The following BBX variants were observed in gnomAD, a reference collection of about 807,000 sequenced individuals.
The protein encoded by BBX is HMG box transcription factor BBX.
BBX carries 30 observed loss-of-function variants against 100.2 expected under a neutral mutation model. The observed-to-expected ratio is 0.30, with a 90% CI of 0.22 to 0.41. BBX has a LOEUF of 0.41. Ranked by LOEUF, BBX falls within the 10% of genes least tolerant of loss-of-function variation. The probability of loss-of-function intolerance (pLI) is 1.00; values close to 1 mark genes in which losing one functional copy is unlikely to be tolerated. For missense variants in BBX, 1,023 were observed against 1,129.8 expected, an observed-to-expected ratio of 0.91 and a Z score of 1.35; for synonymous variants, 376 against 388.1, an observed-to-expected ratio of 0.97 and a Z score of 0.37.
chr3:107,725,613 G>A (rs938951940), intron 5 of BBX, among the ~76,000 whole-genome samples: 2 of 152,032 alleles, frequency 1.3e-5, no homozygotes, highest in African/African-American at 4.8e-5. Flanking sequence ...CAAATATTAA[G>A]TAGACAAAAT....
At chr3:107,663,898 C>T (rs569752254) in intron 3 of BBX, among the ~76,000 whole-genome samples, 8 of 151,696 alleles carry the variant, frequency 5.3e-5, no homozygotes, top group East Asian at 3.9e-4. Context: ...CTCTGCCTCC[C>T]GGGTTCACGC....
chr3:107,792,590 A>G lies in BBX; in HGVS notation c.2353+1291A>G, dbSNP rs574527295. ...TTTTACTTTTACAGAAAACGCCAGCACTACATCTATTATCTCACTTGTTGA... is the reference window on the plus strand; with the variant it reads ...TTTTACTTTTACAGAAAACGCCAGCGCTACATCTATTATCTCACTTGTTGA... On this transcript the variant is annotated intron_variant, in intron 15 of 17. Transcript: ENST00000325805. 3.9e-5 allele frequency among the ~76,000 whole-genome samples: 6 copies of G among 152,340 alleles called. No homozygotes were observed. The South Asian group carries it at 1.0e-3, about 26-fold the overall frequency.
chr3:107,791,870 G>A (rs1462463011), intron 15 of BBX, among the ~76,000 whole-genome samples: 4 of 151,836 alleles, frequency 2.6e-5, no homozygotes, highest in Admixed American at 6.6e-5. Flanking sequence ...CTGTGATAGC[G>A]CATGCCTGTA....
chr3:107,675,879 A>G (rs997254854), intron 3 of BBX, among the ~76,000 whole-genome samples: 3 of 152,188 alleles, frequency 2.0e-5, no homozygotes, highest in African/African-American at 7.2e-5. Flanking sequence ...TATCAAGTCT[A>G]TATTGAAGGG....
At position 107,773,339 on chromosome 3, in the gene BBX, A is replaced by G. The variant is rs777693851; in HGVS notation, c.1618A>G (p.Lys540Glu). ...KVKSREKKMS[K>E]EKSSDTTKES... ...GAAATCAAGAGAGAAGAAAATGTCA[A>G]AGGAGAAATCCTCAGACACCACCAA... is the stretch of plus-strand genomic sequence containing the variant. The change falls in exon 11 of 18, where the codon AAG becomes GAG. Residue 540 changes from lysine to glutamate, a missense_variant. Around this residue, in one of 9 missense-constraint regions of BBX, gnomAD observed 348 missense variants for 353.2 expected, o/e 0.99. Coordinates refer to ENST00000325805, the MANE Select transcript of BBX (RefSeq NM_001142568.3). The surrounding 1 kb of genome is among the most constrained non-coding windows in gnomAD (Gnocchi z 4.1). The G allele has an allele frequency of 2.9e-5, 46 of 1,613,994 alleles. No individual in the cohort carries two copies. The highest frequency in any genetic ancestry group is 3.9e-5 in the Non-Finnish European group (46 of 1,180,006).
At chr3:107,729,548 G>A (rs923052865) in intron 6 of BBX, among the ~76,000 whole-genome samples, 3 of 152,068 alleles carry the variant, frequency 2.0e-5, no homozygotes, top group African/African-American at 7.2e-5. Context: ...CTCTTTGGGT[G>A]GTAAGGTATG....
intron 2 of BBX, among the ~76,000 whole-genome samples, chr3:107,549,869 CT>C (rs34639576): frequency 0.53 from 71,116 of 134,890 alleles, 18,645 homozygotes; most frequent in Middle Eastern, 0.61. Flanking sequence ...TTGTTCTTAC[CT>C]TTTTTTTTTT....
At chr3:107,730,034 C>T (rs2063210491) in intron 6 of BBX, among the ~76,000 whole-genome samples, 2 of 152,116 alleles carry the variant, frequency 1.3e-5, no homozygotes, top group African/African-American at 2.4e-5. Context: ...CTGCAGTGAG[C>T]TGTGACCTCA....
intron 2 of BBX, among the ~76,000 whole-genome samples, chr3:107,585,842 A>G (rs995411958): frequency 1.3e-5 from 2 of 152,198 alleles, no homozygotes; most frequent in Non-Finnish European, 2.9e-5. Flanking sequence ...AGGCGGATGT[A>G]AGAAAACAAG....
intron 6 of BBX, among the ~76,000 whole-genome samples, chr3:107,731,346 C>A (rs2063303897): frequency 6.6e-6 from 1 of 152,146 alleles, no homozygotes; most frequent in Non-Finnish European, 1.5e-5. Flanking sequence ...CTCCTGATCT[C>A]TAGGATGACA....
chr3:107,801,365 C>T, intron 17 of BBX, 84 bp downstream of exon 17: 1 of 1,444,232 alleles, frequency 6.9e-7, no homozygotes, highest in South Asian at 1.4e-5. Flanking sequence ...TTTTACAGGG[C>T]ATTGGGGTTC....
chr3:107,673,177 T>C (rs2059110752), intron 3 of BBX, among the ~76,000 whole-genome samples: 1 of 151,450 alleles, frequency 6.6e-6, no homozygotes, highest in Admixed American at 6.6e-5. Flanking sequence ...ATAAGAGTTA[T>C]TAATAAGAGT....
chr3:107,686,721 G>A (rs1258040013), intron 3 of BBX, among the ~76,000 whole-genome samples: 2 of 152,082 alleles, frequency 1.3e-5, no homozygotes, highest in Non-Finnish European at 2.9e-5. Context: ...ATGTGAGGAG[G>A]CCCACAATTT....
intron 2 of BBX, among the ~76,000 whole-genome samples, chr3:107,565,724 T>G (rs1224771382): frequency 6.6e-6 from 1 of 151,752 alleles, no homozygotes; most frequent in Non-Finnish European, 1.5e-5. Context: ...GGGATCATGC[T>G]CGGATTACAG....
At chr3:107,600,659 G>A (rs942472711) in intron 2 of BBX, among the ~76,000 whole-genome samples, 33 of 152,126 alleles carry the variant, frequency 2.2e-4, no homozygotes, top group African/African-American at 8.0e-4. Context: ...TTGAGAGTGC[G>A]CCATTTAAAT....
intron 2 of BBX, among the ~76,000 whole-genome samples, chr3:107,577,060 C>T (rs1044645548): frequency 2.6e-5 from 4 of 152,026 alleles, no homozygotes; most frequent in African/African-American, 4.8e-5. Context: ...GGGGTTTCAC[C>T]GTCTTGGCCA....
At chr3:107,549,348 G>A (rs965600216) in intron 2 of BBX, among the ~76,000 whole-genome samples, 4 of 152,100 alleles carry the variant, frequency 2.6e-5, no homozygotes, top group African/African-American at 9.7e-5. Context: ...GCTGTATGGT[G>A]CATATTAGAT....
At chr3:107,756,817 C>G (rs1472992513) in intron 10 of BBX, among the ~76,000 whole-genome samples, 4 of 152,064 alleles carry the variant, frequency 2.6e-5, no homozygotes, top group Admixed American at 2.0e-4. Flanking sequence ...ATGAAGACAG[C>G]AGGGAATAGT....
intron 4 of BBX, among the ~76,000 whole-genome samples, chr3:107,715,278 T>TCCATA (rs1228679885): frequency 7.9e-5 from 12 of 152,266 alleles, no homozygotes; most frequent in African/African-American, 2.6e-4. Context: ...CAGGACCCAC[T>TCCATA]CCATACCTCA....
Sources: allele counts gnomAD v4.1 joint callset (sites outside exome capture counted in the v4.1 genomes callset), GRCh38; gene constraint gnomAD v4.1.1; regional missense constraint gnomAD v4.1.1; non-coding constraint Gnocchi (gnomAD v3.1); transcripts MANE v1.5; gene names NCBI Gene and HGNC (gene_info 2026-07-23, HGNC 2026-07-21).